The following RPS6KA5 variants were observed in gnomAD, a reference collection of about 807,000 sequenced individuals.
RPS6KA5 encodes ribosomal protein S6 kinase A5, also known as ribosomal protein S6 kinase alpha-5.
In RPS6KA5, 27 loss-of-function variants were observed where a neutral mutation model predicts 85.5. The ratio of observed to expected loss-of-function variants is 0.32; its 90% CI spans 0.23 to 0.44. The LOEUF is 0.44. Among genes scored for constraint, RPS6KA5 ranks in the 20% least tolerant of loss-of-function variants. The pLI is 1.00. For missense variants in RPS6KA5, 811 were observed against 980.9 expected (o/e 0.83, Z 2.31); for synonymous variants, 334 against 348.2 (o/e 0.96, Z 0.46).
intron 7 of RPS6KA5, among the ~76,000 whole-genome samples, chr14:90,913,730 C>A (rs140779624): frequency 9.2e-5 from 14 of 152,268 alleles, no homozygotes; most frequent in African/African-American, 2.6e-4. Context: ...CATGATGGCC[C>A]TTAGACTACC....
At chr14:91,000,801 C>CA (rs1482429455) in intron 2 of RPS6KA5, among the ~76,000 whole-genome samples, 3 of 151,044 alleles carry the variant, frequency 2.0e-5, no homozygotes, top group Admixed American at 6.6e-5. Flanking sequence ...GACTCCGTCT[C>CA]AAAAAAAATA....
chr14:91,051,009 C>T (rs1345284764), intron 1 of RPS6KA5, among the ~76,000 whole-genome samples: 2 of 151,932 alleles, frequency 1.3e-5, no homozygotes, highest in African/African-American at 2.4e-5. Flanking sequence ...AGGTGGAGCA[C>T]GTGAGGTCAG....
At chr14:90,946,315 C>T (rs1201672686) in intron 4 of RPS6KA5, among the ~76,000 whole-genome samples, 2 of 152,004 alleles carry the variant, frequency 1.3e-5, no homozygotes, top group African/African-American at 2.4e-5. Flanking sequence ...CCCCCCATTA[C>T]CAAAGGTTTC....
intron 14 of RPS6KA5, among the ~76,000 whole-genome samples, chr14:90,888,389 T>C (rs2034357377): frequency 6.6e-6 from 1 of 152,206 alleles, no homozygotes; most frequent in Admixed American, 6.5e-5. Context: ...AGTCTCTTTT[T>C]TATTTAGATT....
intron 3 of RPS6KA5, among the ~76,000 whole-genome samples, chr14:90,976,835 A>T (rs1307015428): frequency 6.6e-6 from 1 of 152,196 alleles, no homozygotes; most frequent in Admixed American, 6.5e-5. Context: ...ATGAAGTGTA[A>T]CATCATGGCT....
intron 11 of RPS6KA5, 65 bp from the exon 12 acceptor site, chr14:90,899,487 C>T (rs184182212): frequency 1.1e-5 from 12 of 1,051,196 alleles, no homozygotes; most frequent in African/African-American, 1.6e-5. Context: ...AGTACTGCCC[C>T]AAGACTAATT....
At position 90,890,532 on chromosome 14, in the gene RPS6KA5, G is replaced by A. The variant is rs139792854; in HGVS notation, c.1791C>T (p.Asn597=). 30 of 1,614,124 alleles carry A rather than the reference G, an allele frequency of 1.9e-5. No individual in the cohort carries two copies. Among genetic ancestry groups the A allele is most frequent in the African/African-American group, 1.1e-4 (8 of 75,048 alleles). The change falls in exon 14 of 17, where the codon AAC becomes AAT. Residue 597 remains asparagine, a synonymous_variant. Coordinates refer to ENST00000614987, the MANE Select transcript of RPS6KA5 (RefSeq NM_004755.4). ...ACAGGTCACAGGACTCATCGTAGCC[G>A]TTCTGATTCAAGAGCTCTGGGGCGG... ...HYAAPELLNQ[N]GYDESCDLWS...
At chr14:90,880,650 G>A (rs1206783419) in intron 14 of RPS6KA5, among the ~76,000 whole-genome samples, 1 of 152,010 alleles carries the variant, frequency 6.6e-6, no homozygotes, top group Non-Finnish European at 1.5e-5. Context: ...GTTGGGTATT[G>A]AAGTCTCCAA....
chr14:90,984,150 A>T (rs907899101), intron 2 of RPS6KA5, among the ~76,000 whole-genome samples: 15 of 152,098 alleles, frequency 9.9e-5, no homozygotes, highest in Non-Finnish European at 1.8e-4. Flanking sequence ...TCGGCCTGAG[A>T]TCATGAAGTT....
chr14:91,049,576 CT>C (rs1264199860), intron 1 of RPS6KA5, among the ~76,000 whole-genome samples: 4 of 151,952 alleles, frequency 2.6e-5, no homozygotes, highest in Non-Finnish European at 5.9e-5. Context: ...GAGCTCGCCA[CT>C]GTATTCCAGC....
intron 1 of RPS6KA5, among the ~76,000 whole-genome samples, chr14:91,023,688 C>T (rs974195193): frequency 6.6e-6 from 1 of 151,748 alleles, no homozygotes; most frequent in African/African-American, 2.4e-5. Flanking sequence ...ACCACCAACA[C>T]AAAGTTGCTC....
At chr14:90,882,623 C>CAA (rs2033916072) in intron 14 of RPS6KA5, among the ~76,000 whole-genome samples, 1 of 152,082 alleles carries the variant, frequency 6.6e-6, no homozygotes, top group Non-Finnish European at 1.5e-5. Flanking sequence ...TTAACTTCTC[C>CAA]CTCCACTTTG....
rs113956259 is a variant in RPS6KA5, at chr14:91,009,715, A to T, written c.104-8556T>A. On this transcript the variant is annotated intron_variant, in intron 1 of 16. Transcript: ENST00000614987. ...TTGAAGAATGGCAGAAAAAAACCCC[A>T]AAAGAGCTTTCATGTAGGCAGCTCT... Among the ~76,000 whole-genome samples the T allele has an allele frequency of 4.4e-3, 677 of 152,338 alleles. 2 individuals are homozygous for T. The highest frequency in any genetic ancestry group is 6.8e-3 in the Middle Eastern group (2 of 294).
At chr14:91,034,065 GA>G (rs2139852361) in intron 1 of RPS6KA5, among the ~76,000 whole-genome samples, 1 of 152,170 alleles carries the variant, frequency 6.6e-6, no homozygotes, top group South Asian at 2.1e-4. Flanking sequence ...CAACACTTTT[GA>G]GAGGCTGAGG....
chr14:90,961,527 G>A (rs2038796501), intron 3 of RPS6KA5, among the ~76,000 whole-genome samples: 1 of 152,136 alleles, frequency 6.6e-6, no homozygotes, highest in Admixed American at 6.5e-5. Context: ...CAGCTTCCAA[G>A]TATTTAAATG....
intron 5 of RPS6KA5, among the ~76,000 whole-genome samples, chr14:90,937,540 A>G (rs551721866): frequency 6.6e-6 from 1 of 152,220 alleles, no homozygotes; most frequent in South Asian, 2.1e-4. Context: ...GAAGGCAGGC[A>G]GAGTGTATCA....
intron 1 of RPS6KA5, among the ~76,000 whole-genome samples, chr14:91,023,685 A>C (rs7150723): frequency 0.71 from 106,923 of 151,552 alleles, 37,842 homozygotes; most frequent in East Asian, 0.87. Flanking sequence ...AAAACCACCA[A>C]CACAAAGTTG....
At chr14:90,945,116 G>A (rs1595291726) in intron 4 of RPS6KA5, among the ~76,000 whole-genome samples, 3 of 152,094 alleles carry the variant, frequency 2.0e-5, no homozygotes, top group East Asian at 3.9e-4. Flanking sequence ...GCCAGGTGTG[G>A]TTGCGCATGC....
At chr14:91,002,252 A>G (rs1188004219) in intron 1 of RPS6KA5, among the ~76,000 whole-genome samples, 1 of 152,176 alleles carries the variant, frequency 6.6e-6, no homozygotes, top group Non-Finnish European at 1.5e-5. Flanking sequence ...CATTTTTTAA[A>G]ATAAGATAAA....
Sources: gnomAD v4.1 joint callset for allele counts (sites outside exome capture counted in the v4.1 genomes callset) on GRCh38, gnomAD v4.1.1 for gene constraint, MANE v1.5 for transcripts, NCBI Gene and HGNC (gene_info 2026-07-23, HGNC 2026-07-21) for gene names.